The following HDAC4 variants were observed in gnomAD, a reference collection of about 807,000 sequenced individuals.
HDAC4 encodes histone deacetylase 4.
HDAC4 carries 16 observed loss-of-function variants against 135.1 expected under a neutral mutation model. The ratio of observed to expected loss-of-function variants is 0.12; its 90% CI spans 0.08 to 0.18. The LOEUF (loss-of-function observed/expected upper bound fraction) is 0.18, where lower values mean the gene tolerates loss of function less well. HDAC4 is among the 10% of genes least tolerant of loss of function. The probability of loss-of-function intolerance (pLI) is 1.00; values close to 1 mark genes in which losing one functional copy is unlikely to be tolerated. For missense variants in HDAC4, 1,143 were observed against 1,511.8 expected (o/e 0.76, Z 4.05); for synonymous variants, 685 against 653.4 (o/e 1.05, Z -0.74).
chr2:239,076,309 GC>G (rs1157649145), intron 22 of HDAC4, among the ~76,000 whole-genome samples: 1 of 152,214 alleles, frequency 6.6e-6, no homozygotes, highest in Non-Finnish European at 1.5e-5. Context: ...CATCGCTCGT[GC>G]AGCCTCCCAG....
At chr2:239,084,340 A>G (rs901945682) in intron 19 of HDAC4, 98 bp from the exon 20 acceptor site, 19 of 804,666 alleles carry the variant, frequency 2.4e-5, no homozygotes, top group Non-Finnish European at 3.6e-5. Context: ...ACGCAGACCT[A>G]AGAGGTCTCT....
At position 239,134,252 on chromosome 2, in the gene HDAC4, G is replaced by A. The variant is rs754253205; in HGVS notation, c.1287C>T (p.Leu429=). The change falls in exon 11 of 27, where the codon CTC becomes CTT. Residue 429 remains leucine (L), a synonymous_variant. Transcript: ENST00000543185. ...LLEQPPAQAP[L]VTDWYLSGLG... is the part of the protein sequence containing the mutation. ...AGGCCCATTTGTGCTCACCTGTGAC[G>A]AGGGGTGCTTGTGCCGGCGGCTGCT... The A allele has an allele frequency of 8.7e-6, 14 of 1,610,714 alleles. No individual in the cohort carries two copies. The highest frequency in any genetic ancestry group is 5.5e-5 in the South Asian group (5 of 91,060).
intron 2 of HDAC4, among the ~76,000 whole-genome samples, chr2:239,255,738 A>G (rs746225386): frequency 2.0e-5 from 3 of 152,168 alleles, no homozygotes; most frequent in Non-Finnish European, 4.4e-5. Flanking sequence ...AAAGCAGGGT[A>G]CGAGCTCAGC....
At chr2:239,385,869 G>A (rs948042951) in intron 1 of HDAC4, among the ~76,000 whole-genome samples, 2 of 152,190 alleles carry the variant, frequency 1.3e-5, no homozygotes, top group African/African-American at 2.4e-5. Flanking sequence ...CCCGGAAAGC[G>A]GTCCAAGACA....
rs987666905 is a variant in HDAC4, at chr2:239,094,833, C to T, written c.2280+177G>A. On this transcript the variant is annotated intron_variant, in intron 17 of 26. Transcript: ENST00000543185. The stretch of plus-strand genomic sequence containing the variant: ...CTTCCCCAGAGAAAGGTGCCCGAGT[C>T]GGCGATCAAAACGCTCTCGGCTCAC... 108 of 1,503,044 alleles carry T rather than the reference C, an allele frequency of 7.2e-5. No homozygotes were observed. In the African/African-American group the frequency reaches 1.1e-3, roughly 15 times the overall value. 93.1% of individuals were successfully genotyped at this position (1,503,044 alleles called of 1,614,324 possible). A position where few individuals can be genotyped will look rare whatever the true frequency, so the allele number is the denominator to read the frequency against.
intron 4 of HDAC4, among the ~76,000 whole-genome samples, chr2:239,182,250 T>C (rs1312924300): frequency 6.6e-6 from 1 of 152,126 alleles, no homozygotes; most frequent in Non-Finnish European, 1.5e-5. Flanking sequence ...GTTGAACTGA[T>C]CTCCTCGTCA....
At chr2:239,157,507 A>ATGGGGAGGAGGCGGGC (rs2042502658) in intron 6 of HDAC4, among the ~76,000 whole-genome samples, 1 of 152,162 alleles carries the variant, frequency 6.6e-6, no homozygotes, top group African/African-American at 2.4e-5. Context: ...GAGGACGGAC[A>ATGGGGAGGAGGCGGGC]TGGGGAGGAG....
intron 7 of HDAC4, among the ~76,000 whole-genome samples, chr2:239,154,065 G>A (rs2042275041): frequency 1.3e-5 from 2 of 152,178 alleles, no homozygotes; most frequent in African/African-American, 4.8e-5. Context: ...TAGCTCCTAG[G>A]GCTCCCCCAT....
At chr2:239,385,078 C>G (rs1340309570) in intron 1 of HDAC4, among the ~76,000 whole-genome samples, 1 of 152,214 alleles carries the variant, frequency 6.6e-6, no homozygotes, top group Non-Finnish European at 1.5e-5. Context: ...TCCCTTCCAT[C>G]TTGGCTCTCT....
rs1437721182 is a variant in HDAC4 at position 239,134,393 on chromosome 2, C to T, written c.1146G>A (p.Gln382=). 3 of 1,613,724 alleles carry T rather than the reference C, an allele frequency of 1.9e-6. No individual in the cohort carries two copies. The highest frequency in any genetic ancestry group is 2.5e-6 in the Non-Finnish European group (3 of 1,179,964). The part of the protein sequence containing the change: ...DAERLTLPAL[Q]QRLSLFPGTH... Reference sequence around the variant, plus strand: ...TGCCGGGGAAAAGGGAGAGCCTCTGCTGGAGGGCGGGAAGGGTGAGTCTCT... The same window carrying T: ...TGCCGGGGAAAAGGGAGAGCCTCTGTTGGAGGGCGGGAAGGGTGAGTCTCT... Residue 382 remains glutamine (Q), a synonymous_variant, in exon 11 of 27, where the codon CAG becomes CAA. Transcript: ENST00000543185.
rs1559259583 is a variant in HDAC4, at chr2:239,231,635, CCTCCCCGAAGCACCCCTCTCCTCAACCG to C, written c.94+4930_94+4957del. Among the ~76,000 whole-genome samples the C allele has an allele frequency of 7.0e-5, 10 of 141,988 alleles. 1 individual carries two copies. The highest frequency in any genetic ancestry group is 7.2e-3 in the Middle Eastern group (2 of 278). 93.1% of individuals were successfully genotyped at this position (141,988 alleles called of 152,430 possible). A position where few individuals can be genotyped will look rare whatever the true frequency, so the allele number is the denominator to read the frequency against. ...GCTCCCGGATGCCTGAGGTAGGTGT[CCTCCCCGAAGCACCCCTCTCCTCAACCG>C]AGGCTGCTGAGCACCTGCTCCCGGA... On this transcript the variant is annotated intron_variant, in intron 3 of 26. Coordinates refer to ENST00000543185, the MANE Select transcript of HDAC4 (RefSeq NM_001378414.1).
intron 2 of HDAC4, among the ~76,000 whole-genome samples, chr2:239,345,911 TCA>T (rs963223676): frequency 8.1e-6 from 1 of 122,986 alleles, no homozygotes; most frequent in African/African-American, 3.2e-5. Flanking sequence ...CACCCCCATC[TCA>T]CACACGTGCA....
chr2:239,246,885 G>C (rs1433622594), intron 2 of HDAC4, among the ~76,000 whole-genome samples: 2 of 152,246 alleles, frequency 1.3e-5, no homozygotes, highest in Admixed American at 1.3e-4. Context: ...GCACATGTGG[G>C]TGCGTCACTG....
At chr2:239,097,203 C>T (rs896912363) in intron 16 of HDAC4, among the ~76,000 whole-genome samples, 4 of 152,374 alleles carry the variant, frequency 2.6e-5, no homozygotes, top group African/African-American at 4.8e-5. Flanking sequence ...GGTCTGTGCC[C>T]GCCTTGTCCC....
At chr2:239,114,194 G>A (rs2038928081) in intron 13 of HDAC4, among the ~76,000 whole-genome samples, 1 of 152,200 alleles carries the variant, frequency 6.6e-6, no homozygotes, top group African/African-American at 2.4e-5. Context: ...GGGTGGAGAT[G>A]CAGCGTCTGG....
intron 3 of HDAC4, among the ~76,000 whole-genome samples, chr2:239,221,121 G>T (rs1015973243): frequency 1.3e-5 from 2 of 152,166 alleles, no homozygotes; most frequent in Admixed American, 6.5e-5. Flanking sequence ...GTTTACAGGC[G>T]CCTTAAATGA....
Position 239,081,132 on chromosome 2 carries a change from G to C in HDAC4, c.2713C>G (p.Pro905Ala). 3.1e-6 allele frequency: 5 copies of C among 1,614,038 alleles called. No individual in the cohort carries two copies. The highest frequency in any genetic ancestry group is 4.2e-6 in the Non-Finnish European group (5 of 1,180,014). Residue 905 changes from proline to alanine, a missense_variant, in exon 22 of 27, where the codon CCC (proline) becomes GCC (alanine). Pro to Ala is a conservative substitution (Grantham distance 27, BLOSUM62 -1). Coordinates refer to ENST00000543185, the MANE Select transcript of HDAC4 (RefSeq NM_001378414.1). ...VNMAFTGGLD[P>A]PMGDAEYLAA... Reference sequence around the variant, plus strand: ...AAGTACTCAGCGTCTCCCATGGGGGGGTCCAGGCCGCCGGTGAAAGCCATG... The same window carrying C: ...AAGTACTCAGCGTCTCCCATGGGGGCGTCCAGGCCGCCGGTGAAAGCCATG...
intron 2 of HDAC4, among the ~76,000 whole-genome samples, chr2:239,270,621 C>T (rs2050006681): frequency 6.6e-6 from 1 of 152,180 alleles, no homozygotes; most frequent in South Asian, 2.1e-4. Flanking sequence ...TGGACCACTC[C>T]CTTGTTCCAA....
At chr2:239,151,619 C>T (rs1265715988) in intron 7 of HDAC4, among the ~76,000 whole-genome samples, 1 of 152,224 alleles carries the variant, frequency 6.6e-6, no homozygotes, top group East Asian at 1.9e-4. Context: ...ATGATCCATA[C>T]AGGGGCCAAC....
Sources: allele counts gnomAD v4.1 joint callset (sites outside exome capture counted in the v4.1 genomes callset), GRCh38; gene constraint gnomAD v4.1.1; transcripts MANE v1.5; gene names NCBI Gene and HGNC (gene_info 2026-07-23, HGNC 2026-07-21).